Variants in RAB22A observed in about 807,000 individuals in gnomAD.
RAB22A encodes ras-related protein Rab-22A.
Under a neutral mutation model 30.2 loss-of-function variants are expected in RAB22A, and 13 were observed. The ratio of observed to expected loss-of-function variants is 0.43; its 90% CI spans 0.28 to 0.68. The LOEUF (loss-of-function observed/expected upper bound fraction) is 0.68, where lower values mean the gene tolerates loss of function less well. RAB22A is among the 30% of genes least tolerant of loss of function. The pLI is 0.18. For missense variants in RAB22A, 177 were observed against 246.8 expected, an observed-to-expected ratio of 0.72 and a Z score of 1.89; for synonymous variants, 89 against 87.2, an observed-to-expected ratio of 1.02 and a Z score of -0.11.
At chr20:58,312,101 G>A (rs1433577576) in intron 2 of RAB22A, among the ~76,000 whole-genome samples, 2 of 151,212 alleles carry the variant, frequency 1.3e-5, no homozygotes, top group Non-Finnish European at 3.0e-5. Context: ...AATTATGGGC[G>A]CCCACCACCA....
intron 6 of RAB22A, among the ~76,000 whole-genome samples, chr20:58,357,079 A>G (rs1419468683): frequency 6.6e-6 from 1 of 152,230 alleles, no homozygotes; most frequent in Non-Finnish European, 1.5e-5. Flanking sequence ...TGCATTCAGT[A>G]CAGCTTTACC....
intron 2 of RAB22A, among the ~76,000 whole-genome samples, chr20:58,338,226 C>T (rs547362577): frequency 6.6e-5 from 10 of 152,196 alleles, no homozygotes; most frequent in African/African-American, 2.4e-4. Flanking sequence ...GAGGTTTCAC[C>T]ATGTTGGTCA....
chr20:58,318,379 C>T (rs1986385312), intron 2 of RAB22A, among the ~76,000 whole-genome samples: 1 of 152,086 alleles, frequency 6.6e-6, no homozygotes, highest in South Asian at 2.1e-4. Flanking sequence ...AACATGCATG[C>T]ACAGGTTGAG....
At chr20:58,334,097 G>A (rs1363224370) in intron 2 of RAB22A, among the ~76,000 whole-genome samples, 3 of 152,072 alleles carry the variant, frequency 2.0e-5, no homozygotes, top group East Asian at 3.9e-4. Flanking sequence ...TTGGGAGGCC[G>A]AGGCAGGTGG....
chr20:58,310,133 C>T (rs1420735157), intron 1 of RAB22A, 121 bp downstream of exon 1: 5 of 1,024,860 alleles, frequency 4.9e-6, no homozygotes, highest in African/African-American at 1.7e-5. Flanking sequence ...CTGCCAGCCC[C>T]GTGGACCCTC....
intron 5 of RAB22A, 135 bp from the exon 6 acceptor site, chr20:58,354,021 C>G: frequency 1.7e-6 from 1 of 575,646 alleles, no homozygotes; most frequent in Non-Finnish European, 3.1e-6. Flanking sequence ...ATCGAGAAGA[C>G]CATGTCTCAG....
intron 2 of RAB22A, among the ~76,000 whole-genome samples, chr20:58,325,435 CCACTG>C (rs1423151662): frequency 3.3e-5 from 5 of 152,174 alleles, no homozygotes; most frequent in African/African-American, 9.6e-5. Context: ...CAAGATGGCG[CCACTG>C]CACTGCAGCC....
Position 58,309,928 on chromosome 20 carries a change from C to A in RAB22A, c.-49C>A. 8.0e-7 allele frequency: 1 copy of A among 1,255,744 alleles called. No individual in the cohort carries two copies. The allele number at this position is 1,255,744 out of a possible 1,614,324, so 77.8% of individuals were successfully genotyped here. On this transcript the variant is annotated 5_prime_UTR_variant, in exon 1 of 7. Coordinates refer to ENST00000244040, the MANE Select transcript of RAB22A (RefSeq NM_020673.3). ...ATGCTCTTGCTGGGCCTGGCCTCTC[C>A]CTTCTCAACTTAGGGCGGCGGCGGG...
At chr20:58,326,185 G>T (rs1266179162) in intron 2 of RAB22A, among the ~76,000 whole-genome samples, 1 of 151,826 alleles carries the variant, frequency 6.6e-6, no homozygotes, top group African/African-American at 2.4e-5. Context: ...TTTAAGGTAG[G>T]TCTCTTGTAA....
intron 3 of RAB22A, among the ~76,000 whole-genome samples, chr20:58,349,703 T>C (rs1987012566): frequency 6.6e-6 from 1 of 152,186 alleles, no homozygotes; most frequent in Non-Finnish European, 1.5e-5. Flanking sequence ...AACCGTGTCC[T>C]AGGACTAAGG....
At chr20:58,354,391 A>G (rs1987101202) in intron 6 of RAB22A, 126 bp downstream of exon 6, 1 of 622,056 alleles carries the variant, frequency 1.6e-6, no homozygotes, top group African/African-American at 1.8e-5. Context: ...AGTGAAATGA[A>G]GTTGGAGAAG....
At chr20:58,331,209 G>C (rs919252853) in intron 2 of RAB22A, among the ~76,000 whole-genome samples, 9 of 152,046 alleles carry the variant, frequency 5.9e-5, no homozygotes, top group African/African-American at 2.2e-4. Context: ...TATTGGAATG[G>C]TTGGATCTTC....
intron 3 of RAB22A, among the ~76,000 whole-genome samples, chr20:58,349,464 C>A (rs1706991660): frequency 6.6e-6 from 1 of 152,150 alleles, no homozygotes; most frequent in Non-Finnish European, 1.5e-5. Flanking sequence ...TTATAAATTC[C>A]CTGAAGTTTT....
rs1265471912 is a variant in RAB22A, at chr20:58,317,644, C to T, written c.116+6522C>T. Among the ~76,000 whole-genome samples the T allele has an allele frequency of 1.1e-4, 16 of 150,084 alleles. No homozygotes were observed. In the East Asian group the frequency reaches 3.2e-3, roughly 30 times the overall value. ...CGCGATCTCGGCTCACTGCAAGCTC[C>T]GCCTCCCGGGTTCATGCCATTCTCC... is the stretch of plus-strand genomic sequence containing the variant. On this transcript the variant is annotated intron_variant, in intron 2 of 6. Coordinates refer to ENST00000244040, the MANE Select transcript of RAB22A (RefSeq NM_020673.3).
At chr20:58,314,933 G>T (rs369662629) in intron 2 of RAB22A, among the ~76,000 whole-genome samples, 1 of 152,090 alleles carries the variant, frequency 6.6e-6, no homozygotes, top group East Asian at 1.9e-4. Flanking sequence ...AACCAGAATG[G>T]GCATGAGGGA....
At chr20:58,313,928 T>C (rs937886142) in intron 2 of RAB22A, among the ~76,000 whole-genome samples, 1 of 152,244 alleles carries the variant, frequency 6.6e-6, no homozygotes. Flanking sequence ...AAATATTTGC[T>C]ATCTGGTACT....
rs1987297177 is a variant in RAB22A, at chr20:58,365,330, C to T, written c.*5627C>T. On this transcript the variant is annotated 3_prime_UTR_variant, in exon 7 of 7. Transcript: ENST00000244040. ...CTAGGCCAATTCAGAGGCCACTGGC[C>T]ACCCAAGTAGAGTGGGGCCCACTGG... is the stretch of plus-strand genomic sequence containing the variant. The T allele has an allele frequency of 6.6e-6, 1 of 152,232 alleles. No homozygotes were observed. Among genetic ancestry groups the T allele is most frequent in the Non-Finnish European group, 1.5e-5 (1 of 68,060 alleles). 9.4% of individuals were successfully genotyped at this position (152,232 alleles called of 1,614,324 possible).
intron 2 of RAB22A, among the ~76,000 whole-genome samples, chr20:58,322,666 C>T (rs1295345141): frequency 6.6e-6 from 1 of 152,172 alleles, no homozygotes; most frequent in African/African-American, 2.4e-5. Flanking sequence ...AGTCTGTGTT[C>T]AAATAATAAC....
intron 2 of RAB22A, among the ~76,000 whole-genome samples, chr20:58,335,245 G>A (rs1159249299): frequency 2.6e-5 from 4 of 152,304 alleles, no homozygotes; most frequent in Non-Finnish European, 4.4e-5. Flanking sequence ...GACACTCTTA[G>A]TATGCTGTTA....
Sources: allele counts gnomAD v4.1 joint callset (sites outside exome capture counted in the v4.1 genomes callset), GRCh38; gene constraint gnomAD v4.1.1; transcripts MANE v1.5; gene names NCBI Gene and HGNC (gene_info 2026-07-23, HGNC 2026-07-21).